Variants in DOCK2 observed in about 807,000 individuals in gnomAD.
DOCK2 encodes dedicator of cytokinesis 2, also known as dedicator of cytokinesis protein 2.
Under a neutral mutation model 248.9 loss-of-function variants are expected in DOCK2, and 87 were observed. The ratio of observed to expected loss-of-function variants is 0.35; its 90% CI spans 0.29 to 0.42. The LOEUF (loss-of-function observed/expected upper bound fraction) is 0.42, where lower values mean the gene tolerates loss of function less well. Among genes scored for constraint, DOCK2 ranks in the 10% least tolerant of loss-of-function variants. The pLI is 1.00. For synonymous variants in DOCK2, 805 were observed against 821.6 expected (o/e 0.98, Z 0.35); for missense variants, 1,747 against 2,300.2 (o/e 0.76, Z 4.92).
intron 2 of DOCK2, among the ~76,000 whole-genome samples, chr5:169,660,597 C>T (rs1371233439): frequency 2.0e-5 from 3 of 152,174 alleles, no homozygotes; most frequent in Non-Finnish European, 2.9e-5. Flanking sequence ...ATGTACCCCT[C>T]ACTGAGGAGG....
intron 2 of DOCK2, among the ~76,000 whole-genome samples, chr5:169,664,632 T>G (rs752368070): frequency 1.3e-5 from 2 of 152,148 alleles, no homozygotes; most frequent in Non-Finnish European, 2.9e-5. Context: ...AGGCACATCT[T>G]ACATGGCAGC....
At chr5:169,934,934 T>A in intron 27 of DOCK2, 1 of 329,410 alleles carries the variant, frequency 3.0e-6, no homozygotes, top group Non-Finnish European at 6.0e-6. Flanking sequence ...GAAAGTAGTA[T>A]AGAAAGTGAT....
At chr5:169,661,918 G>A (rs895171915) in intron 2 of DOCK2, among the ~76,000 whole-genome samples, 92 of 152,126 alleles carry the variant, frequency 6.0e-4, no homozygotes, top group African/African-American at 2.1e-3. Flanking sequence ...ATGCTGTAAC[G>A]AATATGAGAG....
chr5:169,944,953 T>C (rs1361083608), intron 27 of DOCK2, among the ~76,000 whole-genome samples: 1 of 152,192 alleles, frequency 6.6e-6, no homozygotes, highest in Non-Finnish European at 1.5e-5. Flanking sequence ...CCTTCAGAAA[T>C]CCTCTCTGGG....
chr5:169,725,816 T>G (rs10475920), intron 22 of DOCK2, among the ~76,000 whole-genome samples: 3,424 of 152,284 alleles, frequency 0.022, 137 homozygotes, highest in African/African-American at 0.078. Flanking sequence ...TTCATTCATG[T>G]CCCTGCAAAG....
At chr5:169,762,753 C>T (rs913285192) in intron 25 of DOCK2, among the ~76,000 whole-genome samples, 1 of 152,190 alleles carries the variant, frequency 6.6e-6, no homozygotes, top group Non-Finnish European at 1.5e-5. Flanking sequence ...TTCAATTTCT[C>T]TATCCACACT....
chr5:169,693,916 T>C lies in DOCK2; in HGVS notation c.844-1887T>C, dbSNP rs115282033. On this transcript the variant is annotated intron_variant, in intron 9 of 51. Transcript: ENST00000520908. ...CTGGTTGGATGAGGCCCACGGACAT[T>C]ATAGAACGTCATCTCCTTTACTTAG... 9.3e-3 allele frequency among the ~76,000 whole-genome samples: 1,423 copies of C among 152,312 alleles called. 24 individuals are homozygous for C. Among genetic ancestry groups the C allele is most frequent in the African/African-American group, 0.032 (1,337 of 41,562 alleles).
intron 21 of DOCK2, 31 bp downstream of exon 21, chr5:169,717,515 T>C (rs1561632013): frequency 2.5e-6 from 4 of 1,599,078 alleles, no homozygotes; most frequent in Non-Finnish European, 3.4e-6. Context: ...GAACTTCTTC[T>C]CTACCACCCT....
intron 26 of DOCK2, among the ~76,000 whole-genome samples, chr5:169,833,226 G>A (rs1265039424): frequency 6.6e-6 from 1 of 152,008 alleles, no homozygotes; most frequent in Non-Finnish European, 1.5e-5. Flanking sequence ...TCACTATCAG[G>A]TATATGTTTA....
intron 9 of DOCK2, among the ~76,000 whole-genome samples, chr5:169,694,254 C>G (rs569296286): frequency 6.6e-6 from 1 of 152,206 alleles, no homozygotes; most frequent in African/African-American, 2.4e-5. Context: ...AGAATTAACT[C>G]GAAGGAGAAT....
chr5:169,782,914 C>G (rs1356400144), intron 25 of DOCK2, among the ~76,000 whole-genome samples: 1 of 152,196 alleles, frequency 6.6e-6, no homozygotes, highest in Admixed American at 6.5e-5. Context: ...ATGTTTAGAA[C>G]AGGTTTTCCA....
intron 27 of DOCK2, among the ~76,000 whole-genome samples, chr5:169,906,828 T>C (rs1774307427): frequency 6.6e-6 from 1 of 152,212 alleles, no homozygotes; most frequent in Non-Finnish European, 1.5e-5. Flanking sequence ...ATAGGGAAAT[T>C]AGGGCCTGAA....
chr5:169,638,988 T>G (rs1264645943), intron 1 of DOCK2, among the ~76,000 whole-genome samples: 1 of 152,190 alleles, frequency 6.6e-6, no homozygotes, highest in African/African-American at 2.4e-5. Context: ...ATAAGTAGTC[T>G]GTTTTGGTTT....
chr5:169,947,578 C>A (rs1260664918), intron 27 of DOCK2, among the ~76,000 whole-genome samples: 2 of 152,246 alleles, frequency 1.3e-5, no homozygotes, highest in East Asian at 3.8e-4. Flanking sequence ...GCCTTTCTGA[C>A]CCTCCACATT....
chr5:169,790,850 G>A (rs1471146229), intron 25 of DOCK2, among the ~76,000 whole-genome samples: 2 of 152,180 alleles, frequency 1.3e-5, no homozygotes, highest in Non-Finnish European at 2.9e-5. Context: ...GTGGTAGTAA[G>A]GCTGGGATTC....
chr5:169,750,943 G>A (rs1050753132), intron 23 of DOCK2, among the ~76,000 whole-genome samples: 20 of 152,148 alleles, frequency 1.3e-4, no homozygotes, highest in African/African-American at 2.7e-4. Flanking sequence ...CTGCAGGAGA[G>A]GGAGCTTTGG....
intron 17 of DOCK2, among the ~76,000 whole-genome samples, chr5:169,712,913 A>G (rs1761663812): frequency 6.6e-6 from 1 of 152,266 alleles, no homozygotes; most frequent in Non-Finnish European, 1.5e-5. Flanking sequence ...TGCATCTACT[A>G]GCACCTGGCT....
At chr5:169,751,433 C>A (rs1199924254) in intron 23 of DOCK2, among the ~76,000 whole-genome samples, 1 of 152,162 alleles carries the variant, frequency 6.6e-6, no homozygotes, top group African/African-American at 2.4e-5. Flanking sequence ...GGGGTGTGAG[C>A]TATTAGTAAC....
At chr5:170,062,530 A>G (rs1561904153) in intron 44 of DOCK2, among the ~76,000 whole-genome samples, 1 of 152,066 alleles carries the variant, frequency 6.6e-6, no homozygotes, top group African/African-American at 2.4e-5. Flanking sequence ...CCCAGTACTC[A>G]TCTTCTCTCC....
Sources: allele counts gnomAD v4.1 joint callset (sites outside exome capture counted in the v4.1 genomes callset), GRCh38; gene constraint gnomAD v4.1.1; transcripts MANE v1.5; gene names NCBI Gene and HGNC (gene_info 2026-07-23, HGNC 2026-07-21).